Variants in BDP1 observed in about 807,000 individuals in gnomAD.
BDP1 encodes the protein BDP1 general transcription factor IIIB subunit.
A neutral mutation model predicts 266.6 loss-of-function variants in BDP1; 169 were observed. The ratio of observed to expected loss-of-function variants is 0.63; its 90% confidence interval spans 0.56 to 0.72. The LOEUF is 0.72. Ranked by LOEUF, BDP1 falls within the 30% of genes least tolerant of loss-of-function variation. The pLI is 0.00. For missense variants in BDP1, 3,015 were observed against 3,053.8 expected (o/e 0.99, Z 0.30); for synonymous variants, 1,090 against 1,022.4 (o/e 1.07, Z -1.26).
At chr5:71,555,056 C>T (rs1743119444) in intron 35 of BDP1, among the ~76,000 whole-genome samples, 1 of 152,180 alleles carries the variant, frequency 6.6e-6, no homozygotes. Context: ...GATACACATA[C>T]ACTGTATTCA....
chr5:71,522,185 G>T, intron 22 of BDP1, 104 bp from the exon 23 acceptor site: 2 of 854,478 alleles, frequency 2.3e-6, no homozygotes, highest in Admixed American at 2.3e-5. Flanking sequence ...ATAGTCCTTT[G>T]AACATAGAAT....
chr5:71,506,823 A>ACACACACACACACACACACACACACC (rs377599570), intron 16 of BDP1, among the ~76,000 whole-genome samples: 2 of 141,726 alleles, frequency 1.4e-5, no homozygotes, highest in African/African-American at 5.2e-5. Flanking sequence ...ACACACACAC[A>ACACACACACACACACACACACACACC]CCCATATTTT....
At chr5:71,524,897 T>C (rs1434918237) in intron 25 of BDP1, among the ~76,000 whole-genome samples, 2 of 151,572 alleles carry the variant, frequency 1.3e-5, no homozygotes, top group South Asian at 4.2e-4. Context: ...CCACCCTTAA[T>C]CCATTCAACC....
rs927595882 is a variant in BDP1 at position 71,455,935 on chromosome 5, A to G, written c.58A>G (p.Arg20Gly). The change falls in exon 1 of 39, where the codon AGG becomes GGG. Residue 20 changes from arginine to glycine, a missense_variant. By Grantham distance (125) the Arg-to-Gly change is moderately radical. This residue lies in a region of BDP1 where 2,383 missense variants were observed against 2,404.9 expected (regional missense o/e 0.99). Transcript: ENST00000358731. ...KPNVRPGVGA[R>G]GSTASNPQRG... ...GAATGTCAGGCCTGGTGTAGGCGCCAGGGGCTCCACAGCTTCCAATCCCCA... is the reference window on the plus strand; with the variant it reads ...GAATGTCAGGCCTGGTGTAGGCGCCGGGGGCTCCACAGCTTCCAATCCCCA... The G allele has an allele frequency of 1.9e-6, 3 of 1,611,530 alleles. No homozygotes were observed. The highest frequency in any genetic ancestry group is 2.7e-5 in the African/African-American group (2 of 74,928).
chr5:71,530,257 T>C (rs1359831548), intron 25 of BDP1, among the ~76,000 whole-genome samples: 1 of 152,066 alleles, frequency 6.6e-6, no homozygotes, highest in Non-Finnish European at 1.5e-5. Context: ...TTTTTTGAGA[T>C]AGGGTCTTAC....
At chr5:71,536,886 T>C (rs910278931) in intron 26 of BDP1, among the ~76,000 whole-genome samples, 1 of 151,968 alleles carries the variant, frequency 6.6e-6, no homozygotes, top group African/African-American at 2.4e-5. Flanking sequence ...CCCAGCACTT[T>C]GGGAGGCCGA....
chr5:71,501,461 A>G lies in BDP1; in HGVS notation c.1957-101A>G, dbSNP rs1561714315. On this transcript the variant is annotated intron_variant, in intron 13 of 38. Coordinates refer to ENST00000358731, the MANE Select transcript of BDP1 (RefSeq NM_018429.3). ...AGTGCTAGGATTACAGGCTTGAGCC[A>G]CCGTGCCCGGCCAGTTCTGTTGTTT... is the stretch of plus-strand genomic sequence containing the variant. 2.0e-5 allele frequency: 15 copies of G among 760,224 alleles called. No homozygotes were observed. The East Asian group carries it at 2.6e-4, about 13-fold the overall frequency. The allele number at this position is 760,224 out of a possible 1,614,324, so 47.1% of individuals were successfully genotyped here.
chr5:71,549,553 G>T lies in BDP1; in HGVS notation c.6942G>T (p.Leu2314=), dbSNP rs762487442. Residue 2314 remains leucine, a synonymous_variant, in exon 34 of 39, where the codon CTG becomes CTT. Transcript: ENST00000358731. ...ATAQFMPNPL[L]PAPILVKSVN... ...CACAGTTCATGCCAAACCCTTTACTGCCAGCTCCCATATTGGTCAAATCAG... is the reference window on the plus strand; with the variant it reads ...CACAGTTCATGCCAAACCCTTTACTTCCAGCTCCCATATTGGTCAAATCAG... 5.6e-6 allele frequency: 9 copies of T among 1,613,220 alleles called. No individual in the cohort carries two copies. In the African/African-American group the frequency reaches 1.1e-4, roughly 19 times the overall value.
chr5:71,568,223 A>G (rs1744139183), downstream of BDP1, among the ~76,000 whole-genome samples: 1 of 152,120 alleles, frequency 6.6e-6, no homozygotes, highest in Admixed American at 6.6e-5. Flanking sequence ...TGATTGTCCT[A>G]ATAGTATTTG....
chr5:71,516,843 A>G (rs541895916), intron 21 of BDP1, among the ~76,000 whole-genome samples: 116 of 152,344 alleles, frequency 7.6e-4, no homozygotes, highest in Non-Finnish European at 1.3e-3. Context: ...CTGTTAAACA[A>G]TGCAAAGTCT....
intron 3 of BDP1, among the ~76,000 whole-genome samples, chr5:71,463,051 A>C (rs966348927): frequency 1.3e-5 from 2 of 151,972 alleles, no homozygotes; most frequent in African/African-American, 4.8e-5. Flanking sequence ...AGTTCAAGGC[A>C]GCAGTGAGCC....
intron 15 of BDP1, among the ~76,000 whole-genome samples, 161 bp downstream of exon 15, chr5:71,502,952 G>A (rs557156563): frequency 2.8e-5 from 4 of 144,340 alleles, no homozygotes; most frequent in Admixed American, 1.4e-4. Context: ...GCAGTGTCGC[G>A]ATCTTGCCTC....
At chr5:71,552,508 A>G (rs1208907598) in intron 34 of BDP1, among the ~76,000 whole-genome samples, 5 of 152,224 alleles carry the variant, frequency 3.3e-5, no homozygotes, top group African/African-American at 1.2e-4. Flanking sequence ...AGATCACGCC[A>G]CCGCACTCCA....
downstream of BDP1, among the ~76,000 whole-genome samples, chr5:71,568,138 C>T (rs887617247): frequency 6.6e-6 from 1 of 152,142 alleles, no homozygotes; most frequent in Non-Finnish European, 1.5e-5. Flanking sequence ...GAAGAAGACC[C>T]TGTCTTTGTG....
In BDP1 at chr5:71,502,644, TTTA is replaced by T; in HGVS notation, c.2095_2097del (p.Leu699del). 1 of 1,613,804 alleles carries T rather than the reference TTTA, an allele frequency of 6.2e-7. No individual in the cohort carries two copies. ...TGCAGGAAGGGAGTCAACTAAAGGC[TTTA>T]AGACCTGTACAAGTGAGGGGCCGAT... is the stretch of plus-strand genomic sequence containing the variant. On this transcript the variant is annotated inframe_deletion, in exon 15 of 39. Transcript: ENST00000358731.
chr5:71,460,816 G>T (rs1056050211), intron 2 of BDP1, among the ~76,000 whole-genome samples: 3 of 151,996 alleles, frequency 2.0e-5, no homozygotes, highest in Non-Finnish European at 4.4e-5. Context: ...GGGAATTAAA[G>T]ATTAAACATT....
At chr5:71,511,716 T>G (rs1764932351) in intron 17 of BDP1, among the ~76,000 whole-genome samples, 1 of 152,124 alleles carries the variant, frequency 6.6e-6, no homozygotes, top group Non-Finnish European at 1.5e-5. Context: ...TTTCTTTAAG[T>G]CAGATGGGCA....
intron 4 of BDP1, among the ~76,000 whole-genome samples, chr5:71,464,720 T>G (rs1761792975): frequency 7.4e-6 from 1 of 135,136 alleles, no homozygotes; most frequent in African/African-American, 2.7e-5. Flanking sequence ...TTTTAGTTTT[T>G]TTTTTTTTTT....
chr5:71,546,909 G>A (rs1288783692), intron 32 of BDP1, among the ~76,000 whole-genome samples: 2 of 151,922 alleles, frequency 1.3e-5, no homozygotes, highest in Admixed American at 1.3e-4. Context: ...GCAGTGGCAC[G>A]ATCTCAGCTC....
Sources: allele counts gnomAD v4.1 joint callset (sites outside exome capture counted in the v4.1 genomes callset), GRCh38; gene constraint gnomAD v4.1.1; regional missense constraint gnomAD v4.1.1; transcripts MANE v1.5; gene names NCBI Gene and HGNC (gene_info 2026-07-23, HGNC 2026-07-21).